RYR1: variants seen among roughly 807,000 people sequenced by gnomAD.
RYR1 encodes the protein ryanodine receptor 1, also known as central core disease of muscle.
RYR1 carries 342 observed loss-of-function variants against 583.5 expected under a neutral mutation model. That is an observed-to-expected ratio of 0.59 (90% CI 0.54 to 0.64). The LOEUF is 0.64. RYR1 is among the 30% of genes least tolerant of loss of function. The pLI is 0.00. For synonymous variants in RYR1, 2,791 were observed against 2,822.5 expected, an observed-to-expected ratio of 0.99 and a Z score of 0.35; for missense variants, 6,032 against 6,917.2, an observed-to-expected ratio of 0.87 and a Z score of 4.54.
intron 93 of RYR1, among the ~76,000 whole-genome samples, chr19:38,568,490 C>A (rs1973548127): frequency 6.6e-6 from 1 of 151,618 alleles, no homozygotes; most frequent in South Asian, 2.1e-4. Context: ...AATCCCAGCA[C>A]CTTGGGAGGC....
Position 38,519,366 on chromosome 19 carries a change from G to T in RYR1, c.10171G>T (p.Glu3391Ter). The T allele has an allele frequency of 3.1e-6, 5 of 1,610,038 alleles. No individual in the cohort carries two copies. The highest frequency in any genetic ancestry group is 4.2e-6 in the Non-Finnish European group (5 of 1,178,340). The part of the protein sequence containing the change: ...LEAKAEAQEG[E>*]LLVRDEFSVL... Reference sequence around the variant, plus strand: ...GGCCAAGGCGGAGGCCCAGGAGGGCGAGCTGCTGGTGCGGGACGAGTTCTC... The same window carrying T: ...GGCCAAGGCGGAGGCCCAGGAGGGCTAGCTGCTGGTGCGGGACGAGTTCTC... Residue 3391 changes from glutamate to a stop codon, truncating the protein, a stop_gained, in exon 67 of 106, where the codon GAG becomes TAG. Transcript: ENST00000359596. LOFTEE classifies it high-confidence loss of function.
chr19:38,470,438 GAAA>G (rs543327525), intron 27 of RYR1, among the ~76,000 whole-genome samples: 1 of 74,348 alleles, frequency 1.3e-5, no homozygotes, highest in African/African-American at 5.0e-5. Flanking sequence ...CTGTCTCATT[GAAA>G]AAAAAAAAAA....
In RYR1 at chr19:38,433,788, C is replaced by CCCCCCCCCT; in HGVS notation, c.-42_-41insCCCCCCCCT. Reference sequence around the variant, plus strand: ...CCGCCCAGCCCGCAGCCCCCTCCCTCTGTTCCCCGACCTCAGACCCTGGGC... The same window carrying CCCCCCCCCT: ...CCGCCCAGCCCGCAGCCCCCTCCCTCCCCCCCCCTTGTTCCCCGACCTCAGACCCTGGGC... On this transcript the variant is annotated 5_prime_UTR_variant, in exon 1 of 106. Transcript: ENST00000359596. 1 of 1,451,330 alleles carries CCCCCCCCCT rather than the reference C, an allele frequency of 6.9e-7. No individual in the cohort carries two copies. Among genetic ancestry groups the CCCCCCCCCT allele is most frequent in the South Asian group, 1.1e-5 (1 of 87,858 alleles). 89.9% of individuals were successfully genotyped at this position (1,451,330 alleles called of 1,614,324 possible).
intron 105 of RYR1, among the ~76,000 whole-genome samples, chr19:38,586,958 G>A (rs555593315): frequency 3.0e-4 from 45 of 149,802 alleles, no homozygotes; most frequent in South Asian, 3.0e-3. Context: ...GTGACAGAGC[G>A]ATACTCCATC....
rs1973155821 is a variant in RYR1, at chr19:38,561,805, C to T, written c.12624+351C>T. On this transcript the variant is annotated intron_variant, in intron 90 of 105. Coordinates refer to ENST00000359596, the MANE Select transcript of RYR1 (RefSeq NM_000540.3). This position sits in a 1 kb window ranked among gnomAD's most constrained non-coding sequence, Gnocchi z 4.8. ...CCTTATAGCCCTGATGCAGCCCTACCCACACTCTCACCTCCTCGAACCTGC... is the reference window on the plus strand; with the variant it reads ...CCTTATAGCCCTGATGCAGCCCTACTCACACTCTCACCTCCTCGAACCTGC... 6.6e-6 allele frequency among the ~76,000 whole-genome samples: 1 copy of T among 152,102 alleles called. No homozygotes were observed. Among genetic ancestry groups the T allele is most frequent in the African/African-American group, 2.4e-5 (1 of 41,420 alleles).
chr19:38,582,157 G>T lies in RYR1; in HGVS notation c.14646+1653G>T, dbSNP rs370658520. Among the ~76,000 whole-genome samples the T allele has an allele frequency of 4.5e-4, 69 of 152,220 alleles. No individual in the cohort carries two copies. In the South Asian group the frequency reaches 0.013, roughly 30 times the overall value. ...TCATGCCTGTAATCCCAGCACTTTG[G>T]GGGGCTGAGGGGGGCAGATTACCTG... On this transcript the variant is annotated intron_variant, in intron 101 of 105. Coordinates refer to ENST00000359596, the MANE Select transcript of RYR1 (RefSeq NM_000540.3).
chr19:38,523,006 A>C (rs751358003), intron 67 of RYR1, 22 bp from the exon 68 acceptor site: 12 of 1,548,964 alleles, frequency 7.7e-6, no homozygotes, highest in African/African-American at 5.7e-5. Context: ...CCCCTCCCTC[A>C]CCTCCCCTCC....
intron 89 of RYR1, among the ~76,000 whole-genome samples, chr19:38,553,494 C>T (rs988633121): frequency 1.3e-5 from 2 of 148,304 alleles, no homozygotes; most frequent in Admixed American, 6.8e-5. Flanking sequence ...AAAAAAAAAT[C>T]AAAAAATTAG....
intron 37 of RYR1, among the ~76,000 whole-genome samples, 166 bp downstream of exon 37, chr19:38,490,898 A>C (rs1969523711): frequency 6.6e-6 from 1 of 152,244 alleles, no homozygotes; most frequent in South Asian, 2.1e-4. Context: ...GAACAGTTAG[A>C]CAATGCGTGT....
At chr19:38,467,573 C>T (rs754208308) in intron 24 of RYR1, 37 bp from the exon 25 acceptor site, 47 of 1,610,324 alleles carry the variant, frequency 2.9e-5, no homozygotes, top group Non-Finnish European at 4.0e-5. Context: ...TCCACATCTT[C>T]CCTAGCCTCT....
intron 66 of RYR1, among the ~76,000 whole-genome samples, chr19:38,518,404 A>T (rs1398121038): frequency 1.6e-4 from 19 of 122,268 alleles, no homozygotes; most frequent in African/African-American, 1.4e-4. Flanking sequence ...TATTATTTAA[A>T]AAAAAAAAAA....
Position 38,452,940 on chromosome 19 carries a change from G to A in RYR1, c.1366G>A (p.Glu456Lys). 1.2e-6 allele frequency: 2 copies of A among 1,613,968 alleles called. No individual in the cohort carries two copies. Among genetic ancestry groups the A allele is most frequent in the East Asian group, 2.2e-5 (1 of 44,870 alleles). ...DLIIYFEPPS[E>K]DLQHEEKQSK... The stretch of plus-strand genomic sequence containing the variant: ...CATCATCTACTTCGAGCCTCCCTCC[G>A]AGGACTTGCAGCACGAGGAGAAGCA... The change falls in exon 13 of 106, where the codon GAG (glutamate) becomes AAG (lysine). Residue 456 changes from glutamate to lysine, a missense_variant. Physicochemically the swap from Glu to Lys is moderately conservative, Grantham distance 56. This residue lies in a region of RYR1 where 2,627 missense variants were observed against 2,961.3 expected (regional missense o/e 0.89). Coordinates refer to ENST00000359596, the MANE Select transcript of RYR1 (RefSeq NM_000540.3).
At chr19:38,581,672 T>C (rs1019576584) in intron 101 of RYR1, among the ~76,000 whole-genome samples, 6 of 152,036 alleles carry the variant, frequency 3.9e-5, no homozygotes, top group African/African-American at 1.4e-4. Flanking sequence ...GACCTCAGCT[T>C]ACTGCAACCT....
intron 84 of RYR1, among the ~76,000 whole-genome samples, chr19:38,541,551 T>TAAAAATGCAA (rs1972191238): frequency 6.6e-6 from 1 of 152,068 alleles, no homozygotes; most frequent in South Asian, 2.1e-4. Flanking sequence ...CTGTCTCTAC[T>TAAAAATGCAA]AAAAATGCAA....
chr19:38,486,610 G>A (rs560849991), intron 34 of RYR1, among the ~76,000 whole-genome samples: 31 of 152,114 alleles, frequency 2.0e-4, no homozygotes, highest in African/African-American at 7.5e-4. Flanking sequence ...CAAAGTGCTG[G>A]GATTACAGGC....
rs777934754 is a variant in RYR1, at chr19:38,502,744, T to C, written c.7835+17T>C. Reference sequence around the variant, plus strand: ...GCTCTGCAGGTGGAGCGGGGCAGGCTTCAGGGTGGGGCAGGGGCAGGGGCA... The same window carrying C: ...GCTCTGCAGGTGGAGCGGGGCAGGCCTCAGGGTGGGGCAGGGGCAGGGGCA... On this transcript the variant is annotated intron_variant, in intron 48 of 105. Coordinates refer to ENST00000359596, the MANE Select transcript of RYR1 (RefSeq NM_000540.3). 5 of 1,318,274 alleles carry C rather than the reference T, an allele frequency of 3.8e-6. No homozygotes were observed. The Admixed American group carries it at 1.1e-4, about 28-fold the overall frequency. The allele number at this position is 1,318,274 out of a possible 1,614,324, so 81.7% of individuals were successfully genotyped here.
At position 38,453,023 on chromosome 19, in the gene RYR1, G is replaced by C; in HGVS notation, c.1440+9G>C. ...GCCTCTTCCAGGAGGAGGTGAGGAC[G>C]TGGCGAGGGCGGAGCGGGGCCTGTG... On this transcript the variant is annotated intron_variant, in intron 13 of 105. Transcript: ENST00000359596. 1 of 1,613,298 alleles carries C rather than the reference G, an allele frequency of 6.2e-7. No homozygotes were observed. Among genetic ancestry groups the C allele is most frequent in the Non-Finnish European group, 8.5e-7 (1 of 1,179,620 alleles).
intron 84 of RYR1, among the ~76,000 whole-genome samples, chr19:38,539,210 C>T (rs997667259): frequency 1.3e-5 from 2 of 150,448 alleles, no homozygotes; most frequent in African/African-American, 4.9e-5. Flanking sequence ...TTATTAAATA[C>T]CTTTGTGCCA....
At position 38,577,992 on chromosome 19, in the gene RYR1, A is replaced by G; in HGVS notation, c.14247A>G (p.Leu4749=). ...TACTGGGCATGGACCTGGCCACACT[A>G]GAGATCACAGCCCACAATGAGCGCA... ...AELLGMDLAT[L]EITAHNERKP... is the part of the protein sequence containing the mutation. The change falls in exon 98 of 106, where the codon CTA becomes CTG. Residue 4749 remains leucine, a synonymous_variant. Transcript: ENST00000359596. 6.2e-7 allele frequency: 1 copy of G among 1,613,926 alleles called. No individual in the cohort carries two copies. Among genetic ancestry groups the G allele is most frequent in the Non-Finnish European group, 8.5e-7 (1 of 1,179,894 alleles).
Sources: gnomAD v4.1 joint callset for allele counts (sites outside exome capture counted in the v4.1 genomes callset) on GRCh38, gnomAD v4.1.1 for gene constraint, gnomAD v4.1.1 regional missense constraint, Gnocchi (gnomAD v3.1) non-coding constraint, MANE v1.5 for transcripts, NCBI Gene and HGNC (gene_info 2026-07-23, HGNC 2026-07-21) for gene names.